The following WDR88 variants were observed in gnomAD, a reference collection of about 807,000 sequenced individuals.
WDR88 encodes the protein WD repeat-containing protein 88.
WDR88 carries 40 observed loss-of-function variants against 46.8 expected under a neutral mutation model. That is an observed-to-expected ratio of 0.86 (90% confidence interval 0.66 to 1.11). WDR88 has a LOEUF of 1.11. Among genes scored for constraint, WDR88 ranks in the 50% most tolerant of loss-of-function variants. The pLI is 0.00. For missense variants in WDR88, 562 were observed against 602.4 expected (o/e 0.93, Z 0.70); for synonymous variants, 235 against 240.7 (o/e 0.98, Z 0.22).
At chr19:33,137,544 C>A (rs1973296094) in intron 1 of WDR88, 133 bp from the exon 2 acceptor site, 3 of 760,430 alleles carry the variant, frequency 3.9e-6, no homozygotes, top group Non-Finnish European at 6.2e-6. Context: ...TGAACCACCC[C>A]CCTGGCCAGA....
chr19:33,132,529 A>C, intron 1 of WDR88, 84 bp downstream of exon 1: 1 of 1,550,198 alleles, frequency 6.5e-7, no homozygotes, highest in Non-Finnish European at 8.7e-7. Context: ...GGACCCATGG[A>C]AAACCCACCT....
At chr19:33,143,067 C>A (rs1373495178) in intron 2 of WDR88, among the ~76,000 whole-genome samples, 1 of 151,658 alleles carries the variant, frequency 6.6e-6, no homozygotes, top group South Asian at 2.1e-4. Flanking sequence ...CAATGGCCCA[C>A]GTCTGTAATC....
chr19:33,135,881 T>C (rs1973254725), intron 1 of WDR88, among the ~76,000 whole-genome samples: 1 of 151,968 alleles, frequency 6.6e-6, no homozygotes. Context: ...TTTTCTTTCT[T>C]TCTTTCTTTC....
rs775667451 is a variant in WDR88 at position 33,147,628 on chromosome 19, C to T, written c.477-17C>T. ...AAAAAAAAGAACCAGTGTTCGTCATCGTCATCTTATTTCCAGAGTCATTGC... is the reference window on the plus strand; with the variant it reads ...AAAAAAAAGAACCAGTGTTCGTCATTGTCATCTTATTTCCAGAGTCATTGC... On this transcript the variant is annotated splice_polypyrimidine_tract_variant and intron_variant, in intron 3 of 10. Coordinates refer to ENST00000355868, the MANE Select transcript of WDR88 (RefSeq NM_173479.4). The T allele has an allele frequency of 1.4e-5, 22 of 1,612,094 alleles. No homozygotes were observed. Among genetic ancestry groups the T allele is most frequent in the Non-Finnish European group, 1.7e-5 (20 of 1,179,436 alleles).
At chr19:33,164,816 G>A (rs566206287) in intron 9 of WDR88, among the ~76,000 whole-genome samples, 1 of 152,090 alleles carries the variant, frequency 6.6e-6, no homozygotes, top group Non-Finnish European at 1.5e-5. Flanking sequence ...TGGTTGGGGG[G>A]CGGGGGATGG....
chr19:33,153,556 G>A (rs1236714366), intron 6 of WDR88, among the ~76,000 whole-genome samples: 3 of 152,080 alleles, frequency 2.0e-5, no homozygotes, highest in Non-Finnish European at 4.4e-5. Flanking sequence ...TTTGCAGGGT[G>A]CAATCTCGGC....
chr19:33,165,882 CAA>C (rs1237354735), intron 9 of WDR88, among the ~76,000 whole-genome samples: 1 of 127,666 alleles, frequency 7.8e-6, no homozygotes, highest in Non-Finnish European at 1.6e-5. Flanking sequence ...GCCTGGGTGA[CAA>C]GAGCGAAACT....
chr19:33,151,572 A>G (rs543539199), intron 6 of WDR88, among the ~76,000 whole-genome samples: 7 of 152,326 alleles, frequency 4.6e-5, no homozygotes, highest in African/African-American at 1.7e-4. Context: ...GTGAAGTTCC[A>G]GCATCTCCTG....
Position 33,135,674 on chromosome 19 carries a change from T to C in WDR88, c.277-2003T>C, listed in dbSNP as rs547731355. ...CTCAGGTGATCCACCCACCTTGGCC[T>C]CCCAAAGTGCTGGGATTACAGGCGT... On this transcript the variant is annotated intron_variant, in intron 1 of 10. Coordinates refer to ENST00000355868, the MANE Select transcript of WDR88 (RefSeq NM_173479.4). Among the ~76,000 whole-genome samples the C allele has an allele frequency of 1.1e-4, 16 of 152,284 alleles. No individual in the cohort carries two copies. In the South Asian group the frequency reaches 3.1e-3, roughly 30 times the overall value.
At chr19:33,172,304 TA>T (rs1455156022) in intron 9 of WDR88, 43 bp from the exon 10 acceptor site, 5 of 1,497,486 alleles carry the variant, frequency 3.3e-6, no homozygotes, top group Non-Finnish European at 4.6e-6. Flanking sequence ...TGTATGGATG[TA>T]CCACAGCCTG....
chr19:33,167,020 A>G (rs1973964556), intron 9 of WDR88, among the ~76,000 whole-genome samples: 1 of 152,222 alleles, frequency 6.6e-6, no homozygotes, highest in African/African-American at 2.4e-5. Context: ...GATTGATTAA[A>G]TACATATTAC....
chr19:33,153,170 C>G (rs930103844), intron 6 of WDR88, among the ~76,000 whole-genome samples: 1 of 151,808 alleles, frequency 6.6e-6, no homozygotes, highest in Non-Finnish European at 1.5e-5. Context: ...CTTGCCTCAA[C>G]TTCCTGAGTA....
In WDR88 at chr19:33,144,835, T is replaced by G; in HGVS notation, c.388-9T>G. On this transcript the variant is annotated splice_polypyrimidine_tract_variant and intron_variant, in intron 2 of 10. Coordinates refer to ENST00000355868, the MANE Select transcript of WDR88 (RefSeq NM_173479.4). ...CACTCTCTTCTCCTCTCTCTCCCGT[T>G]GATTTGAGGATCCGGTGGACGGTTC... The G allele has an allele frequency of 1.2e-6, 2 of 1,612,970 alleles. No individual in the cohort carries two copies. Among genetic ancestry groups the G allele is most frequent in the Non-Finnish European group, 1.7e-6 (2 of 1,179,486 alleles).
At chr19:33,147,832 CATGTTCCTGGG>C (rs1568363099) in intron 4 of WDR88, 124 bp downstream of exon 4, 2 of 798,216 alleles carry the variant, frequency 2.5e-6, no homozygotes, top group African/African-American at 3.5e-5. Context: ...AGGAAGGAGG[CATGTTCCTGGG>C]GATGGAAGTA....
rs571512176 is a variant in WDR88 at position 33,175,460 on chromosome 19, A to G, written c.1307A>G (p.Gln436Arg). Residue 436 changes from glutamine (Q) to arginine (R), a missense_variant, in exon 11 of 11, where the codon CAA (glutamine) becomes CGA (arginine). By Grantham distance (43) the Gln-to-Arg change is conservative. Transcript: ENST00000355868. ...GACACCTCTTCTGAAATGTTCACCC[A>G]ATGCGTGTTCTGCCGGATAGATACA... ...KSDTSSEMFT[Q>R]CVFCRIDTRG... is the part of the protein sequence containing the mutation. The G allele has an allele frequency of 3.7e-6, 6 of 1,614,046 alleles. No individual in the cohort carries two copies. The highest frequency in any genetic ancestry group is 5.1e-6 in the Non-Finnish European group (6 of 1,180,040).
chr19:33,136,730 T>C (rs747328936), intron 1 of WDR88, among the ~76,000 whole-genome samples: 2 of 149,838 alleles, frequency 1.3e-5, no homozygotes, highest in Non-Finnish European at 3.0e-5. Context: ...GGCTGGCTAA[T>C]TTATTTATTT....
At chr19:33,147,471 C>T (rs531264819) in intron 3 of WDR88, among the ~76,000 whole-genome samples, 174 bp from the exon 4 acceptor site, 2 of 151,604 alleles carry the variant, frequency 1.3e-5, no homozygotes, top group African/African-American at 2.4e-5. Flanking sequence ...GGCGTGGTGG[C>T]GGGCGCCTGT....
chr19:33,136,421 C>T (rs1054772143), intron 1 of WDR88, among the ~76,000 whole-genome samples: 2 of 151,718 alleles, frequency 1.3e-5, no homozygotes, highest in African/African-American at 4.9e-5. Context: ...GAATTCCTGA[C>T]CTCAGGTGAT....
At chr19:33,136,104 G>A (rs540486072) in intron 1 of WDR88, among the ~76,000 whole-genome samples, 1 of 151,306 alleles carries the variant, frequency 6.6e-6, no homozygotes, top group Non-Finnish European at 1.5e-5. Context: ...TGCCCAGGCT[G>A]GAGTGCAATG....
Sources: allele counts gnomAD v4.1 joint callset (sites outside exome capture counted in the v4.1 genomes callset), GRCh38; gene constraint gnomAD v4.1.1; transcripts MANE v1.5; gene names NCBI Gene and HGNC (gene_info 2026-07-23, HGNC 2026-07-21).